The following AGBL4 variants were observed in gnomAD, a reference collection of about 807,000 sequenced individuals.
AGBL4 encodes the protein AGBL carboxypeptidase 4, also known as cytosolic carboxypeptidase 6.
Under a neutral mutation model 66.4 loss-of-function variants are expected in AGBL4, and 58 were observed. The observed-to-expected ratio is 0.87, with a 90% CI of 0.71 to 1.09. AGBL4 has a LOEUF of 1.09. Ranked by LOEUF, AGBL4 falls within the 50% of genes least tolerant of loss-of-function variation. The pLI is 0.00. For missense variants in AGBL4, 579 were observed against 631.0 expected, an observed-to-expected ratio of 0.92 and a Z score of 0.88; for synonymous variants, 234 against 222.9, an observed-to-expected ratio of 1.05 and a Z score of -0.44.
At chr1:49,788,696 C>A (rs1435176119) in intron 2 of AGBL4, among the ~76,000 whole-genome samples, 1 of 152,016 alleles carries the variant, frequency 6.6e-6, no homozygotes, top group African/African-American at 2.4e-5. Flanking sequence ...GAAACTATTA[C>A]AAAATATCTG....
chr1:49,757,842 T>A (rs1652005033), intron 2 of AGBL4, among the ~76,000 whole-genome samples: 1 of 152,050 alleles, frequency 6.6e-6, no homozygotes, highest in Non-Finnish European at 1.5e-5. Context: ...AAAAGAAAAA[T>A]CCATTTTCTG....
Position 49,096,948 on chromosome 1 carries a change from G to T in AGBL4, c.378-51148C>A, listed in dbSNP as rs181947851. On this transcript the variant is annotated intron_variant, in intron 4 of 13. Transcript: ENST00000371839. ...AGGAAGGGGACATGAGCCAAAGAAT[G>T]TAAGGCTAATGTAGCTGGAAATGAA... is the stretch of plus-strand genomic sequence containing the variant. Among the ~76,000 whole-genome samples the T allele has an allele frequency of 6.6e-5, 10 of 152,202 alleles. No individual in the cohort carries two copies. In the East Asian group the frequency reaches 1.9e-3, roughly 29 times the overall value.
At chr1:48,776,890 G>A in intron 6 of AGBL4, 1 of 1,199,900 alleles carries the variant, frequency 8.3e-7, no homozygotes. Context: ...GGGCGCGGAG[G>A]TGGGGATCCG....
At chr1:49,736,482 T>C (rs111777073) in intron 2 of AGBL4, among the ~76,000 whole-genome samples, 1 of 152,070 alleles carries the variant, frequency 6.6e-6, no homozygotes, top group Non-Finnish European at 1.5e-5. Flanking sequence ...ACCTGCCCTA[T>C]ATAACAAATG....
intron 2 of AGBL4, among the ~76,000 whole-genome samples, chr1:49,786,503 A>T (rs1365323869): frequency 6.6e-6 from 1 of 152,112 alleles, no homozygotes; most frequent in East Asian, 1.9e-4. Context: ...GTATACCTTT[A>T]AAATATTTAG....
chr1:49,377,206 C>A (rs1186056664), intron 3 of AGBL4, among the ~76,000 whole-genome samples: 4 of 152,008 alleles, frequency 2.6e-5, no homozygotes, highest in Non-Finnish European at 4.4e-5. Context: ...ATAAAGGAAG[C>A]ATTTAGAAAT....
chr1:49,353,185 T>C (rs1361145460), intron 3 of AGBL4, among the ~76,000 whole-genome samples: 1 of 152,194 alleles, frequency 6.6e-6, no homozygotes, highest in Non-Finnish European at 1.5e-5. Flanking sequence ...AGTCCGTCTC[T>C]GCTGTTAAAA....
chr1:49,938,035 G>A (rs142822899), intron 1 of AGBL4, among the ~76,000 whole-genome samples: 4 of 148,898 alleles, frequency 2.7e-5, no homozygotes, highest in African/African-American at 7.6e-5. Flanking sequence ...AAAAGCCCTT[G>A]AAAAAATTAA....
At chr1:48,566,986 A>G (rs960217468) in intron 11 of AGBL4, among the ~76,000 whole-genome samples, 8 of 152,182 alleles carry the variant, frequency 5.3e-5, no homozygotes, top group African/African-American at 1.9e-4. Context: ...AAAAAACTGC[A>G]TGAGTCAATT....
At chr1:48,756,383 C>T (rs879746941) in intron 6 of AGBL4, among the ~76,000 whole-genome samples, 1 of 152,174 alleles carries the variant, frequency 6.6e-6, no homozygotes, top group African/African-American at 2.4e-5. Flanking sequence ...ACTGTGCTGT[C>T]ATTGATTGTT....
chr1:48,688,496 A>G (rs1646569229), intron 6 of AGBL4, among the ~76,000 whole-genome samples: 1 of 152,186 alleles, frequency 6.6e-6, no homozygotes, highest in Non-Finnish European at 1.5e-5. Flanking sequence ...CATTTATTCA[A>G]CAAAGACATT....
intron 3 of AGBL4, among the ~76,000 whole-genome samples, chr1:49,289,887 G>GA (rs1313657413): frequency 6.6e-6 from 1 of 151,776 alleles, no homozygotes; most frequent in Non-Finnish European, 1.5e-5. Context: ...TAACAAAATG[G>GA]AAAAAACTCA....
At chr1:49,629,592 C>G (rs1645530629) in intron 3 of AGBL4, among the ~76,000 whole-genome samples, 1 of 152,140 alleles carries the variant, frequency 6.6e-6, no homozygotes, top group African/African-American at 2.4e-5. Flanking sequence ...CCCCCAGAAA[C>G]CTCCGCTCTA....
chr1:49,462,590 G>A (rs1243469438), intron 3 of AGBL4, among the ~76,000 whole-genome samples: 1 of 151,698 alleles, frequency 6.6e-6, no homozygotes, highest in Non-Finnish European at 1.5e-5. Context: ...TCAAAAAATA[G>A]CTTAAAGCTT....
intron 11 of AGBL4, 105 bp from the exon 12 acceptor site, chr1:48,539,843 C>T: frequency 1.4e-6 from 1 of 713,710 alleles, no homozygotes; most frequent in Non-Finnish European, 2.1e-6. Context: ...GTTACACACT[C>T]ATTGTTCTAA....
intron 4 of AGBL4, among the ~76,000 whole-genome samples, chr1:49,220,544 A>G: frequency 6.6e-6 from 1 of 152,170 alleles, no homozygotes; most frequent in Non-Finnish European, 1.5e-5. Flanking sequence ...TATATGCTTA[A>G]TAAATATTAC....
chr1:49,453,022 A>G (rs1646313224), intron 3 of AGBL4, among the ~76,000 whole-genome samples: 1 of 151,898 alleles, frequency 6.6e-6, no homozygotes, highest in South Asian at 2.1e-4. Flanking sequence ...TAGTTCTTCC[A>G]TTGTTATGTG....
At chr1:48,722,794 ACT>A (rs1647173241) in intron 6 of AGBL4, among the ~76,000 whole-genome samples, 1 of 151,960 alleles carries the variant, frequency 6.6e-6, no homozygotes, top group African/African-American at 2.4e-5. Flanking sequence ...TGCTGACCAA[ACT>A]CTTCCTGGAG....
chr1:49,272,837 A>G (rs1055026023), intron 3 of AGBL4, among the ~76,000 whole-genome samples: 1 of 152,192 alleles, frequency 6.6e-6, no homozygotes, highest in African/African-American at 2.4e-5. Flanking sequence ...AAACCAGCCT[A>G]ATACTTGTCA....
Sources: gnomAD v4.1 joint callset for allele counts (sites outside exome capture counted in the v4.1 genomes callset) on GRCh38, gnomAD v4.1.1 for gene constraint, MANE v1.5 for transcripts, NCBI Gene and HGNC (gene_info 2026-07-23, HGNC 2026-07-21) for gene names.